Variants in TNIK observed in about 807,000 individuals in gnomAD.
TNIK encodes the protein TRAF2 and NCK-interacting protein kinase.
A neutral mutation model predicts 191.3 loss-of-function variants in TNIK; 49 were observed. That is an observed-to-expected ratio of 0.26 (90% CI 0.20 to 0.32). The LOEUF is 0.32. Among genes scored for constraint, TNIK ranks in the 10% least tolerant of loss-of-function variants. The probability of loss-of-function intolerance (pLI) is 1.00; values close to 1 mark genes in which losing one functional copy is unlikely to be tolerated. For synonymous variants in TNIK, 594 were observed against 600.9 expected (o/e 0.99, Z 0.17); for missense variants, 1,155 against 1,702.3 (o/e 0.68, Z 5.66).
chr3:171,123,275 T>C (rs1006539202), intron 18 of TNIK, among the ~76,000 whole-genome samples: 10 of 152,250 alleles, frequency 6.6e-5, no homozygotes, highest in Non-Finnish European at 1.0e-4. Flanking sequence ...TCTGAAGTAA[T>C]GCTTTAGGGC....
At chr3:171,380,063 G>T (rs1042090069) in intron 1 of TNIK, among the ~76,000 whole-genome samples, 1 of 150,850 alleles carries the variant, frequency 6.6e-6, no homozygotes, top group African/African-American at 2.4e-5. Context: ...ACACACGCAA[G>T]TTGCTTTAAA....
intron 4 of TNIK, among the ~76,000 whole-genome samples, chr3:171,198,195 G>A (rs573706143): frequency 1.6e-4 from 24 of 151,956 alleles, no homozygotes; most frequent in African/African-American, 5.1e-4. Context: ...CCCAGGAGGC[G>A]GAGCTTGCAG....
intron 2 of TNIK, among the ~76,000 whole-genome samples, chr3:171,365,641 A>C (rs1216971301): frequency 6.6e-6 from 1 of 152,210 alleles, no homozygotes; most frequent in Non-Finnish European, 1.5e-5. Flanking sequence ...CTGACAGAAA[A>C]GTAATGAGTT....
chr3:171,171,991 T>C (rs996226534), intron 9 of TNIK, among the ~76,000 whole-genome samples: 11 of 152,198 alleles, frequency 7.2e-5, no homozygotes, highest in African/African-American at 2.4e-4. Flanking sequence ...CATCATCCCA[T>C]ACCACAAAGG....
rs376570740 is a variant in TNIK at position 171,126,089 on chromosome 3, G to A, written c.1836C>T (p.His612=). The A allele has an allele frequency of 4.7e-5, 75 of 1,605,046 alleles. No homozygotes were observed. Among genetic ancestry groups the A allele is most frequent in the African/African-American group, 3.9e-4 (29 of 74,488 alleles). Reference sequence around the variant, plus strand: ...CAGAGAGGCCCTTTGTGGGCTGCTCGTGCACTGACTGGGAGGCGGTCAAGG... The same window carrying A: ...CAGAGAGGCCCTTTGTGGGCTGCTCATGCACTGACTGGGAGGCGGTCAAGG... ...GPALTASQSV[H]EQPTKGLSGF... The change falls in exon 17 of 33, where the codon CAC becomes CAT. Residue 612 remains histidine (H), a synonymous_variant. Transcript: ENST00000436636.
At chr3:171,343,284 T>C (rs1248285715) in intron 2 of TNIK, among the ~76,000 whole-genome samples, 1 of 151,932 alleles carries the variant, frequency 6.6e-6, no homozygotes, top group Non-Finnish European at 1.5e-5. Flanking sequence ...TGATAGTATG[T>C]TACTTCAATA....
chr3:171,311,928 T>C (rs1432961047), intron 2 of TNIK, among the ~76,000 whole-genome samples: 2 of 151,762 alleles, frequency 1.3e-5, no homozygotes, highest in Admixed American at 6.6e-5. Flanking sequence ...GCAGCAAACA[T>C]ACACGCAAGG....
intron 1 of TNIK, among the ~76,000 whole-genome samples, chr3:171,388,993 C>T (rs975047819): frequency 2.6e-5 from 4 of 152,162 alleles, no homozygotes; most frequent in African/African-American, 9.7e-5. Context: ...GTGTTCATTT[C>T]TTGTATACTT....
intron 2 of TNIK, among the ~76,000 whole-genome samples, chr3:171,352,842 T>C (rs1385732356): frequency 6.6e-6 from 1 of 152,144 alleles, no homozygotes; most frequent in African/African-American, 2.4e-5. Flanking sequence ...TTTGCCCAAG[T>C]CTCCTCTCTG....
chr3:171,421,270 G>A (rs1723756512), intron 1 of TNIK, among the ~76,000 whole-genome samples: 2 of 152,186 alleles, frequency 1.3e-5, no homozygotes, highest in South Asian at 4.1e-4. Flanking sequence ...ACTCCCTGCA[G>A]ACACACACAC....
chr3:171,292,177 T>C (rs1751761527), intron 2 of TNIK, among the ~76,000 whole-genome samples: 1 of 152,212 alleles, frequency 6.6e-6, no homozygotes, highest in South Asian at 2.1e-4. Context: ...TGCTTTAGAA[T>C]CATTTTCTAA....
chr3:171,320,187 G>T (rs1755027083), intron 2 of TNIK, among the ~76,000 whole-genome samples: 1 of 152,114 alleles, frequency 6.6e-6, no homozygotes, highest in African/African-American at 2.4e-5. Context: ...TTATATTTCA[G>T]CAGTTTACCT....
At chr3:171,416,028 AAAAG>A (rs1164673223) in intron 1 of TNIK, among the ~76,000 whole-genome samples, 1 of 151,336 alleles carries the variant, frequency 6.6e-6, no homozygotes, top group African/African-American at 2.4e-5. Flanking sequence ...AAGAAAAAGA[AAAAG>A]AAAGAAAGAA....
rs111337229 is a variant in TNIK, at chr3:171,377,306, G to A, written c.58-7621C>T. Reference sequence around the variant, plus strand: ...GGAGACTGGAGCCTCCTCACCTCCTGTTTGGTTTGCAGTCTGCTTAGTTTC... The same window carrying A: ...GGAGACTGGAGCCTCCTCACCTCCTATTTGGTTTGCAGTCTGCTTAGTTTC... On this transcript the variant is annotated intron_variant, in intron 1 of 32. Coordinates refer to ENST00000436636, the MANE Select transcript of TNIK (RefSeq NM_015028.4). 5.4e-3 allele frequency among the ~76,000 whole-genome samples: 823 copies of A among 152,248 alleles called. 9 individuals are homozygous for A. Among genetic ancestry groups the A allele is most frequent in the African/African-American group, 0.019 (779 of 41,540 alleles).
At chr3:171,131,090 G>A (rs1474294734) in intron 15 of TNIK, among the ~76,000 whole-genome samples, 1 of 143,482 alleles carries the variant, frequency 7.0e-6, no homozygotes, top group Non-Finnish European at 1.5e-5. Flanking sequence ...GAAATTAACA[G>A]GGCATTGGGA....
chr3:171,256,176 G>GT (rs1323894015), intron 2 of TNIK, among the ~76,000 whole-genome samples: 1 of 151,744 alleles, frequency 6.6e-6, no homozygotes, highest in Admixed American at 6.6e-5. Flanking sequence ...TCCAAGCCTT[G>GT]TTTTTTTTCA....
chr3:171,127,066 TA>T (rs1728579413), intron 16 of TNIK, among the ~76,000 whole-genome samples: 1 of 152,246 alleles, frequency 6.6e-6, no homozygotes, highest in Admixed American at 6.5e-5. Flanking sequence ...CTCATCGTCA[TA>T]TCCCCTAGGC....
At chr3:171,175,227 GC>G (rs1560217660) in intron 9 of TNIK, 24 bp downstream of exon 9, 1 of 1,604,462 alleles carries the variant, frequency 6.2e-7, no homozygotes, top group Non-Finnish European at 8.5e-7. Flanking sequence ...CCTTAGATCT[GC>G]GAAACATCGA....
chr3:171,072,107 G>A (rs1176264863), intron 28 of TNIK, among the ~76,000 whole-genome samples: 1 of 152,136 alleles, frequency 6.6e-6, no homozygotes, highest in Non-Finnish European at 1.5e-5. Context: ...TGTTTACGGT[G>A]ATGACCTTGA....
Sources: allele counts gnomAD v4.1 joint callset (sites outside exome capture counted in the v4.1 genomes callset), GRCh38; gene constraint gnomAD v4.1.1; transcripts MANE v1.5; gene names NCBI Gene and HGNC (gene_info 2026-07-23, HGNC 2026-07-21).